SNX2: variants seen among roughly 807,000 people sequenced by gnomAD.
SNX2 encodes sorting nexin 2, also known as sorting nexin-2.
Under a neutral mutation model 69.9 loss-of-function variants are expected in SNX2, and 25 were observed. The observed-to-expected ratio is 0.36, with a 90% CI of 0.26 to 0.50. The LOEUF is 0.50. SNX2 is among the 20% of genes least tolerant of loss of function. SNX2 has a pLI of 0.97. For synonymous variants in SNX2, 229 were observed against 200.4 expected (o/e 1.14, Z -1.20); for missense variants, 551 against 613.3 (o/e 0.90, Z 1.07).
chr5:122,806,382 C>G (rs1020214649), intron 6 of SNX2, among the ~76,000 whole-genome samples: 18 of 152,000 alleles, frequency 1.2e-4, no homozygotes, highest in Non-Finnish European at 2.5e-4. Flanking sequence ...TTTCAGGTAA[C>G]TTACACTTAT....
At chr5:122,824,442 CGTG>C (rs1380768185) in intron 11 of SNX2, among the ~76,000 whole-genome samples, 2 of 151,894 alleles carry the variant, frequency 1.3e-5, no homozygotes, top group African/African-American at 2.4e-5. Flanking sequence ...TTAGGAAAAA[CGTG>C]GTATTTTAAA....
In SNX2 at chr5:122,815,985, A is replaced by G; in HGVS notation, c.798+14A>G. 6.8e-7 allele frequency: 1 copy of G among 1,463,876 alleles called. No individual in the cohort carries two copies. The highest frequency in any genetic ancestry group is 1.4e-5 in the African/African-American group (1 of 71,390). 90.7% of individuals were successfully genotyped at this position (1,463,876 alleles called of 1,614,324 possible). On this transcript the variant is annotated intron_variant, in intron 8 of 14. Transcript: ENST00000379516. ...GAAAGTTCAGAGGTATTATTTCTATATTAAATGTTTGTATATGAATGTTCT... is the reference window on the plus strand; with the variant it reads ...GAAAGTTCAGAGGTATTATTTCTATGTTAAATGTTTGTATATGAATGTTCT...
At chr5:122,819,287 G>A (rs1024205197) in intron 11 of SNX2, among the ~76,000 whole-genome samples, 1 of 152,178 alleles carries the variant, frequency 6.6e-6, no homozygotes, top group Non-Finnish European at 1.5e-5. Context: ...GCTTATACAA[G>A]TTTGGAACTA....
chr5:122,778,762 G>A (rs1021986312), intron 1 of SNX2, among the ~76,000 whole-genome samples: 10 of 152,094 alleles, frequency 6.6e-5, no homozygotes, highest in Non-Finnish European at 4.4e-5. Context: ...TAGTGATGTT[G>A]AGAATTTTTT....
chr5:122,818,634 T>A (rs1033567558), intron 10 of SNX2, among the ~76,000 whole-genome samples, 184 bp from the exon 11 acceptor site: 3 of 152,248 alleles, frequency 2.0e-5, no homozygotes, highest in African/African-American at 7.2e-5. Context: ...TCAGTAGATC[T>A]CCGAGCACTT....
In SNX2 at chr5:122,827,180, G is replaced by T; in HGVS notation, c.1357-199G>T. The T allele has an allele frequency of 8.9e-6, 5 of 563,596 alleles. No homozygotes were observed. The South Asian group carries it at 1.1e-4, about 13-fold the overall frequency. 34.9% of individuals were successfully genotyped at this position (563,596 alleles called of 1,614,324 possible). A position where few individuals can be genotyped will look rare whatever the true frequency, so the allele number is the denominator to read the frequency against. On this transcript the variant is annotated intron_variant, in intron 12 of 14. Coordinates refer to ENST00000379516, the MANE Select transcript of SNX2 (RefSeq NM_003100.4). Reference sequence around the variant, plus strand: ...TATCTTAATATTGAGCAAATCTGTGGAATATTAAAGGAAATTAAGCTAACA... The same window carrying T: ...TATCTTAATATTGAGCAAATCTGTGTAATATTAAAGGAAATTAAGCTAACA...
rs375030093 is a variant in SNX2 at position 122,779,865 on chromosome 5, AG to A, written c.108+4656del. 1.4e-4 allele frequency among the ~76,000 whole-genome samples: 22 copies of A among 152,276 alleles called. 1 individual carries two copies. The highest frequency in any genetic ancestry group is 5.1e-4 in the African/African-American group (21 of 41,554). On this transcript the variant is annotated intron_variant, in intron 1 of 14. Coordinates refer to ENST00000379516, the MANE Select transcript of SNX2 (RefSeq NM_003100.4). ...CTAGGTATTAAGCCCAGCATGCATT[AG>A]GTCTTTTCCCTAATGCTCTCCTGTC...
chr5:122,780,694 C>T (rs1480339248), intron 1 of SNX2, among the ~76,000 whole-genome samples: 2 of 151,676 alleles, frequency 1.3e-5, no homozygotes, highest in Middle Eastern at 3.2e-3. Context: ...CTCAGCCTTC[C>T]ACGTAGCTGG....
rs1423289251 is a variant in SNX2 at position 122,827,778 on chromosome 5, G to A, written c.1509+132G>A. On this transcript the variant is annotated intron_variant, in intron 14 of 14. Coordinates refer to ENST00000379516, the MANE Select transcript of SNX2 (RefSeq NM_003100.4). Reference sequence around the variant, plus strand: ...AAATGGAAGACAGAAAGCCAGTGATGGTAAAGGATAAAAGGGTAAACTAAT... The same window carrying A: ...AAATGGAAGACAGAAAGCCAGTGATAGTAAAGGATAAAAGGGTAAACTAAT... 5 of 673,244 alleles carry A rather than the reference G, an allele frequency of 7.4e-6. No homozygotes were observed. In the African/African-American group the frequency reaches 9.2e-5, roughly 12 times the overall value. The allele number at this position is 673,244 out of a possible 1,614,324, so 41.7% of individuals were successfully genotyped here.
At chr5:122,808,160 C>A in intron 6 of SNX2, 117 bp from the exon 7 acceptor site, 2 of 582,844 alleles carry the variant, frequency 3.4e-6, no homozygotes, top group East Asian at 3.0e-5. Flanking sequence ...ATACCAGTTA[C>A]AAGTTTAGGG....
chr5:122,812,961 A>G (rs955581423), intron 7 of SNX2, among the ~76,000 whole-genome samples: 3 of 152,206 alleles, frequency 2.0e-5, no homozygotes, highest in African/African-American at 7.2e-5. Context: ...CTGGTAAGTA[A>G]ATAAGAATTT....
chr5:122,821,571 C>T (rs766868590), intron 11 of SNX2, among the ~76,000 whole-genome samples: 1 of 151,958 alleles, frequency 6.6e-6, no homozygotes, highest in Non-Finnish European at 1.5e-5. Context: ...TCTCCTGCCT[C>T]AGCCTTCCGA....
intron 4 of SNX2, 72 bp from the exon 5 acceptor site, chr5:122,802,009 A>G: frequency 6.6e-7 from 1 of 1,522,124 alleles, no homozygotes; most frequent in Non-Finnish European, 9.1e-7. Context: ...TTCTTCATAC[A>G]TCAATATAGT....
intron 1 of SNX2, among the ~76,000 whole-genome samples, chr5:122,789,490 C>CGG (rs1330704154): frequency 4.0e-5 from 6 of 151,380 alleles, no homozygotes; most frequent in African/African-American, 1.5e-4. Flanking sequence ...CACACACACA[C>CGG]ACACACACAC....
At chr5:122,777,359 C>A (rs931014760) in intron 1 of SNX2, among the ~76,000 whole-genome samples, 11 of 152,196 alleles carry the variant, frequency 7.2e-5, no homozygotes, top group African/African-American at 2.2e-4. Context: ...TTCCTGATAT[C>A]AGTGCTTCTG....
At chr5:122,782,062 C>A (rs914289032) in intron 1 of SNX2, among the ~76,000 whole-genome samples, 2 of 152,114 alleles carry the variant, frequency 1.3e-5, no homozygotes, top group African/African-American at 4.8e-5. Flanking sequence ...GATCTGATTG[C>A]TAAACATTTA....
In SNX2 at chr5:122,803,802, C is replaced by A. The variant is rs577747464; in HGVS notation, c.643+189C>A. ...AATGTATTGGTAATAGTTTTATTTT[C>A]TAACACTTGAGGATTTTTGTTTATG... is the stretch of plus-strand genomic sequence containing the variant. On this transcript the variant is annotated intron_variant, in intron 6 of 14. Transcript: ENST00000379516. 18 of 497,554 alleles carry A rather than the reference C, an allele frequency of 3.6e-5. No homozygotes were observed. The East Asian group carries it at 6.0e-4, about 17-fold the overall frequency. 30.8% of individuals were successfully genotyped at this position (497,554 alleles called of 1,614,324 possible).
chr5:122,777,223 AC>A (rs1383970518), intron 1 of SNX2, among the ~76,000 whole-genome samples: 1 of 152,162 alleles, frequency 6.6e-6, no homozygotes, highest in African/African-American at 2.4e-5. Flanking sequence ...CTCACTGGAA[AC>A]TTCATGTTTA....
intron 11 of SNX2, among the ~76,000 whole-genome samples, chr5:122,823,315 C>G (rs7701026): frequency 0.13 from 19,108 of 151,124 alleles, 1,524 homozygotes; most frequent in East Asian, 0.37. Context: ...GGAAAGAAAA[C>G]AAACGAAGAA....
Sources: allele counts gnomAD v4.1 joint callset (sites outside exome capture counted in the v4.1 genomes callset), GRCh38; gene constraint gnomAD v4.1.1; transcripts MANE v1.5; gene names NCBI Gene and HGNC (gene_info 2026-07-23, HGNC 2026-07-21).